DOCK3: variants seen among roughly 807,000 people sequenced by gnomAD.
DOCK3 encodes dedicator of cytokinesis protein 3.
Under a neutral mutation model 265.6 loss-of-function variants are expected in DOCK3, and 60 were observed. That is an observed-to-expected ratio of 0.23 (90% CI 0.18 to 0.28). DOCK3 has a LOEUF of 0.28. Ranked by LOEUF, DOCK3 falls within the 10% of genes least tolerant of loss-of-function variation. The pLI is 1.00. For missense variants in DOCK3, 1,981 were observed against 2,594.3 expected (o/e 0.76, Z 5.14); for synonymous variants, 881 against 938.0 (o/e 0.94, Z 1.11).
intron 12 of DOCK3, among the ~76,000 whole-genome samples, chr3:51,185,704 T>TG (rs1241241098): frequency 2.3e-4 from 35 of 152,126 alleles, no homozygotes; most frequent in Admixed American, 2.3e-3. Flanking sequence ...AATTGAATCA[T>TG]GGGGGCGGGT....
intron 10 of DOCK3, among the ~76,000 whole-genome samples, chr3:51,147,786 C>T (rs999328716): frequency 1.4e-4 from 21 of 152,170 alleles, no homozygotes; most frequent in East Asian, 5.8e-4. Context: ...TTGTGAATAG[C>T]GCCTCAATAA....
intron 1 of DOCK3, among the ~76,000 whole-genome samples, chr3:50,682,108 C>CT (rs1395024359): frequency 9.9e-5 from 15 of 152,210 alleles, no homozygotes; most frequent in Non-Finnish European, 2.2e-4. Flanking sequence ...CTTTAGAACT[C>CT]TAAGAAATCT....
intron 3 of DOCK3, among the ~76,000 whole-genome samples, chr3:50,842,929 A>G (rs1379875): frequency 0.099 from 15,079 of 152,176 alleles, 925 homozygotes; most frequent in Non-Finnish European, 0.13. Context: ...TATTTTAGTA[A>G]TATTTGTGGT....
Position 51,357,784 on chromosome 3 carries a change from C to A in DOCK3, c.4710C>A (p.Asn1570Lys). ...QEAFFDKDYINKHPGDAEKIT... is the reference protein window; with the variant it reads ...QEAFFDKDYIKKHPGDAEKIT... Reference sequence around the variant, plus strand: ...CCTTCTTTGATAAAGATTACATCAACAAGCACCCAGGAGATGCTGAGAAGA... The same window carrying A: ...CCTTCTTTGATAAAGATTACATCAAAAAGCACCCAGGAGATGCTGAGAAGA... Residue 1570 changes from asparagine to lysine, a missense_variant, in exon 45 of 53, where the codon AAC (asparagine) becomes AAA (lysine). Physicochemically the swap from Asn to Lys is moderately conservative, Grantham distance 94. Coordinates refer to ENST00000266037, the MANE Select transcript of DOCK3 (RefSeq NM_004947.5). 6.2e-7 allele frequency: 1 copy of A among 1,613,998 alleles called. No homozygotes were observed. The highest frequency in any genetic ancestry group is 8.5e-7 in the Non-Finnish European group (1 of 1,179,884).
At chr3:51,154,490 G>C (rs943071073) in intron 10 of DOCK3, among the ~76,000 whole-genome samples, 1 of 152,202 alleles carries the variant, frequency 6.6e-6, no homozygotes, top group African/African-American at 2.4e-5. Context: ...GAGAGCTTCT[G>C]AAGTGAGAGT....
intron 2 of DOCK3, among the ~76,000 whole-genome samples, chr3:50,798,925 CA>C (rs1486965663): frequency 1.3e-5 from 2 of 152,080 alleles, no homozygotes; most frequent in Non-Finnish European, 2.9e-5. Flanking sequence ...AGTCTAGTTT[CA>C]TTGTTCTGCA....
chr3:50,770,469 C>T (rs895733913), intron 1 of DOCK3, among the ~76,000 whole-genome samples: 3 of 151,610 alleles, frequency 2.0e-5, no homozygotes, highest in African/African-American at 2.4e-5. Flanking sequence ...AAAAAAAATC[C>T]GTGTTCATTG....
intron 1 of DOCK3, among the ~76,000 whole-genome samples, chr3:50,696,992 G>A (rs1015797736): frequency 6.7e-6 from 1 of 150,042 alleles, no homozygotes; most frequent in South Asian, 2.1e-4. Flanking sequence ...ATGCAGTGGC[G>A]CTATGTAGGC....
chr3:50,882,880 A>G (rs1029726148), intron 3 of DOCK3, among the ~76,000 whole-genome samples: 2 of 152,200 alleles, frequency 1.3e-5, no homozygotes, highest in East Asian at 1.9e-4. Context: ...ATGTCCATCA[A>G]TGATAGACTG....
intron 5 of DOCK3, among the ~76,000 whole-genome samples, chr3:51,050,693 G>A (rs144899301): frequency 1.3e-5 from 2 of 152,308 alleles, no homozygotes; most frequent in African/African-American, 4.8e-5. Flanking sequence ...GGCAGAGAGT[G>A]AATTGACCTT....
rs146255367 is a variant in DOCK3 at position 51,192,479 on chromosome 3, A to G, written c.1038-16295A>G. On this transcript the variant is annotated intron_variant, in intron 12 of 52. Coordinates refer to ENST00000266037, the MANE Select transcript of DOCK3 (RefSeq NM_004947.5). ...ATTCAGCCCACAGAGGAAGGCCTTA[A>G]CCCCACCCAGCACTGGAACTATTTA... is the stretch of plus-strand genomic sequence containing the variant. Among the ~76,000 whole-genome samples, 3 of 152,046 alleles carry G rather than the reference A, an allele frequency of 2.0e-5. No homozygotes were observed. The East Asian group carries it at 5.8e-4, about 30-fold the overall frequency.
Position 51,374,383 on chromosome 3 carries a change from G to C in DOCK3, c.5294-86G>C, listed in dbSNP as rs2087924656. The C allele has an allele frequency of 1.6e-6, 2 of 1,257,176 alleles. No homozygotes were observed. Among genetic ancestry groups the C allele is most frequent in the East Asian group, 2.5e-5 (1 of 39,584 alleles). 77.9% of individuals were successfully genotyped at this position (1,257,176 alleles called of 1,614,324 possible). ...CCTAACTGTAAGGGACACCTACCCT[G>C]GTTCCCTAGTCCTGAGGATGCTTGA... On this transcript the variant is annotated intron_variant, in intron 49 of 52. Transcript: ENST00000266037. The surrounding 1 kb of genome is among the most constrained non-coding windows in gnomAD (Gnocchi z 4.8).
chr3:51,220,823 T>G (rs1380296405), intron 14 of DOCK3, among the ~76,000 whole-genome samples: 1 of 151,582 alleles, frequency 6.6e-6, no homozygotes, highest in Non-Finnish European at 1.5e-5. Flanking sequence ...TATCAGATTT[T>G]GACTGGCCAA....
chr3:51,013,789 A>G (rs1444701993), intron 5 of DOCK3, among the ~76,000 whole-genome samples: 2 of 152,220 alleles, frequency 1.3e-5, no homozygotes, highest in African/African-American at 2.4e-5. Flanking sequence ...TGGAATCTAC[A>G]GAGACAGTCG....
intron 12 of DOCK3, among the ~76,000 whole-genome samples, chr3:51,183,574 A>AAT (rs1332778982): frequency 6.6e-6 from 1 of 152,214 alleles, no homozygotes; most frequent in African/African-American, 2.4e-5. Context: ...AATATTCTGC[A>AAT]ATTAAAGACA....
intron 15 of DOCK3, among the ~76,000 whole-genome samples, chr3:51,226,726 A>G (rs1396068192): frequency 2.6e-5 from 4 of 152,220 alleles, no homozygotes; most frequent in Admixed American, 6.5e-5. Context: ...TTGTCCAGAC[A>G]AGGGCATGGG....
intron 14 of DOCK3, among the ~76,000 whole-genome samples, chr3:51,218,020 A>T (rs1232290299): frequency 6.6e-6 from 1 of 152,130 alleles, no homozygotes; most frequent in Non-Finnish European, 1.5e-5. Context: ...CAGGAGTCTG[A>T]GGCAGGAGAA....
At chr3:51,146,799 CTG>C (rs1282635282) in intron 10 of DOCK3, among the ~76,000 whole-genome samples, 169 bp downstream of exon 10, 21 of 151,998 alleles carry the variant, frequency 1.4e-4, no homozygotes, top group African/African-American at 4.6e-4. Context: ...TTATAGAAAA[CTG>C]AAATTATATA....
rs138086804 is a variant in DOCK3, at chr3:51,089,423, C to T, written c.591+139C>T. ...GTGTCTTTATCTGAGGAGCTTTGAC[C>T]TCTAAACAGTTTTGGCCAGACTCTA... On this transcript the variant is annotated intron_variant, in intron 8 of 52. Coordinates refer to ENST00000266037, the MANE Select transcript of DOCK3 (RefSeq NM_004947.5). 26 of 1,052,686 alleles carry T rather than the reference C, an allele frequency of 2.5e-5. No individual in the cohort carries two copies. In the Admixed American group the frequency reaches 6.6e-4, roughly 27 times the overall value. 65.2% of individuals were successfully genotyped at this position (1,052,686 alleles called of 1,614,324 possible). A position where few individuals can be genotyped will look rare whatever the true frequency, so the allele number is the denominator to read the frequency against.
Sources: allele counts gnomAD v4.1 joint callset (sites outside exome capture counted in the v4.1 genomes callset), GRCh38; gene constraint gnomAD v4.1.1; non-coding constraint Gnocchi (gnomAD v3.1); transcripts MANE v1.5; gene names NCBI Gene and HGNC (gene_info 2026-07-23, HGNC 2026-07-21).